The following TENM3 variants were observed in gnomAD, a reference collection of about 807,000 sequenced individuals.
TENM3 encodes teneurin-3.
A neutral mutation model predicts 255.1 loss-of-function variants in TENM3; 63 were observed. The ratio of observed to expected loss-of-function variants is 0.25; its 90% confidence interval spans 0.20 to 0.30. The LOEUF is 0.30. Among genes scored for constraint, TENM3 ranks in the 10% least tolerant of loss-of-function variants. The pLI, the probability that TENM3 is intolerant of heterozygous loss-of-function variation, is 1.00. For synonymous variants in TENM3, 1,306 were observed against 1,322.3 expected (o/e 0.99, Z 0.27); for missense variants, 2,929 against 3,461.1 (o/e 0.85, Z 3.86).
chr4:181,821,326 G>A, the TENM3 span, among the ~76,000 whole-genome samples: 1 of 152,134 alleles, frequency 6.6e-6, no homozygotes, highest in Admixed American at 6.6e-5. Flanking sequence ...TCCACTGGAA[G>A]GAAACAATCT....
At chr4:181,456,072 A>G in the TENM3 span, among the ~76,000 whole-genome samples, 1 of 151,528 alleles carries the variant, frequency 6.6e-6, no homozygotes, top group South Asian at 2.1e-4. Flanking sequence ...TATGATATTG[A>G]GAAAGATTTA....
In TENM3 at chr4:182,555,217, A is replaced by AT. The variant is rs577906588; in HGVS notation, c.512-45698dup. On this transcript the variant is annotated intron_variant, in intron 3 of 27. Coordinates refer to ENST00000511685, the MANE Select transcript of TENM3 (RefSeq NM_001080477.4). ...CAAATCATTCTGTATTGTTCAGTACATTTTTTTTTAATATCAGGCATAAAT... is the reference window on the plus strand; with the variant it reads ...CAAATCATTCTGTATTGTTCAGTACATTTTTTTTTTAATATCAGGCATAAAT... Among the ~76,000 whole-genome samples, 1,487 of 151,532 alleles carry AT rather than the reference A, an allele frequency of 9.8e-3. 22 individuals are homozygous for AT. Among genetic ancestry groups the AT allele is most frequent in the African/African-American group, 0.033 (1,359 of 41,370 alleles).
chr4:182,303,546 C>T lies in TENM3; in HGVS notation c.-75-20400C>T, dbSNP rs567598925. ...TGTATACCTGCCCTGATAGTCAACG[C>T]GCTGTCATTGTCCAATGTATACATT... On this transcript the variant is annotated intron_variant, in intron 1 of 27. Coordinates refer to ENST00000511685, the MANE Select transcript of TENM3 (RefSeq NM_001080477.4). 2.8e-4 allele frequency among the ~76,000 whole-genome samples: 43 copies of T among 152,260 alleles called. No individual in the cohort carries two copies. In the East Asian group the frequency reaches 5.2e-3, roughly 18 times the overall value.
chr4:181,778,971 T>C, the TENM3 span, among the ~76,000 whole-genome samples: 6 of 151,894 alleles, frequency 4.0e-5, no homozygotes, highest in Non-Finnish European at 7.4e-5. Context: ...GGAATAAGAG[T>C]CTGAAAGGAG....
the TENM3 span, among the ~76,000 whole-genome samples, chr4:182,047,608 C>T: frequency 1.3e-4 from 19 of 150,434 alleles, no homozygotes; most frequent in South Asian, 2.1e-4. Flanking sequence ...ACCATTTTCC[C>T]GGGAAATAAT....
At chr4:181,871,314 T>C in the TENM3 span, among the ~76,000 whole-genome samples, 1 of 152,122 alleles carries the variant, frequency 6.6e-6, no homozygotes, top group African/African-American at 2.4e-5. Flanking sequence ...GACATTACAT[T>C]GAATCTATAG....
the TENM3 span, among the ~76,000 whole-genome samples, chr4:181,896,874 G>C: frequency 6.6e-6 from 1 of 152,186 alleles, no homozygotes; most frequent in Non-Finnish European, 1.5e-5. Context: ...GAAAGAATCT[G>C]CAGCATCACA....
chr4:181,477,190 T>G, the TENM3 span, among the ~76,000 whole-genome samples: 1 of 152,182 alleles, frequency 6.6e-6, no homozygotes, highest in African/African-American at 2.4e-5. Context: ...GCTAGTTCTG[T>G]GGCTCAGCAA....
the TENM3 span, among the ~76,000 whole-genome samples, chr4:181,982,819 A>G: frequency 1.3e-5 from 2 of 152,178 alleles, no homozygotes; most frequent in Non-Finnish European, 2.9e-5. Context: ...ACTTTCATCC[A>G]GTATTCTGTT....
chr4:182,697,151 A>C (rs575225782), intron 12 of TENM3, among the ~76,000 whole-genome samples: 3 of 152,300 alleles, frequency 2.0e-5, no homozygotes, highest in Non-Finnish European at 4.4e-5. Flanking sequence ...TTGGACTGAA[A>C]TTCATAACAA....
the TENM3 span, among the ~76,000 whole-genome samples, chr4:181,513,139 G>A: frequency 6.6e-6 from 1 of 151,736 alleles, no homozygotes; most frequent in African/African-American, 2.4e-5. Context: ...CTTTTTTTGT[G>A]GTGTTATTTA....
intron 3 of TENM3, among the ~76,000 whole-genome samples, chr4:182,456,137 A>G (rs771982264): frequency 2.0e-5 from 3 of 152,224 alleles, no homozygotes; most frequent in Admixed American, 2.0e-4. Flanking sequence ...ATGGAAGGTC[A>G]TTACAAACAT....
At chr4:182,241,787 A>G (rs1757278567), upstream of TENM3, among the ~76,000 whole-genome samples, 2 of 152,028 alleles carry the variant, frequency 1.3e-5, no homozygotes, top group South Asian at 4.1e-4. Flanking sequence ...GATTACAGGC[A>G]TGAGCCACTG....
chr4:181,501,671 C>T, the TENM3 span, among the ~76,000 whole-genome samples: 6 of 152,284 alleles, frequency 3.9e-5, no homozygotes, highest in East Asian at 7.7e-4. Context: ...AGCCAACACG[C>T]CCAGCCAGAT....
the TENM3 span, among the ~76,000 whole-genome samples, chr4:181,576,992 TTATATATATAA>T: frequency 2.3e-5 from 3 of 131,634 alleles, no homozygotes; most frequent in South Asian, 2.2e-4. Context: ...ATTATATATA[TTATATATATAA>T]TATATATATA....
intron 3 of TENM3, among the ~76,000 whole-genome samples, chr4:182,375,835 C>T (rs1316481550): frequency 2.0e-5 from 3 of 152,156 alleles, no homozygotes; most frequent in African/African-American, 7.2e-5. Flanking sequence ...TGAGCCACCG[C>T]GCCCGGCTGG....
intron 1 of TENM3, among the ~76,000 whole-genome samples, chr4:182,316,790 T>C (rs893947266): frequency 6.6e-6 from 1 of 152,148 alleles, no homozygotes. Context: ...GGCTCTCTTT[T>C]CTCTAGCAAC....
the TENM3 span, among the ~76,000 whole-genome samples, chr4:181,683,122 C>T: frequency 6.6e-6 from 1 of 151,560 alleles, no homozygotes; most frequent in Admixed American, 6.6e-5. Context: ...TAGGAAGTGA[C>T]AGCAAATAAC....
At chr4:181,930,069 C>T in the TENM3 span, among the ~76,000 whole-genome samples, 2 of 152,270 alleles carry the variant, frequency 1.3e-5, no homozygotes, top group Non-Finnish European at 2.9e-5. Context: ...CAGGAGAAAG[C>T]TGGAAAGATC....
Sources: gnomAD v4.1 joint callset for allele counts (sites outside exome capture counted in the v4.1 genomes callset) on GRCh38, gnomAD v4.1.1 for gene constraint, MANE v1.5 for transcripts, NCBI Gene and HGNC (gene_info 2026-07-23, HGNC 2026-07-21) for gene names.